The following DCHS2 variants were observed in gnomAD, a reference collection of about 807,000 sequenced individuals.
DCHS2 encodes the protein dachsous cadherin-related 2, also known as protocadherin-23.
In DCHS2, 142 loss-of-function variants were observed where a neutral mutation model predicts 182.4. The ratio of observed to expected loss-of-function variants is 0.78; its 90% CI spans 0.68 to 0.89. The LOEUF is 0.89. Among genes scored for constraint, DCHS2 ranks in the 40% least tolerant of loss-of-function variants. The probability of loss-of-function intolerance (pLI) is 0.00; values close to 1 mark genes in which losing one functional copy is unlikely to be tolerated. For synonymous variants in DCHS2, 1,740 were observed against 1,663.3 expected (o/e 1.05, Z -1.12); for missense variants, 4,319 against 4,198.6 (o/e 1.03, Z -0.79).
Position 154,482,257 on chromosome 4 carries a change from T to C in DCHS2, c.2052+7047A>G, listed in dbSNP as rs188462576. Among the ~76,000 whole-genome samples the C allele has an allele frequency of 4.6e-3, 699 of 152,346 alleles. 6 individuals are homozygous for C. Among genetic ancestry groups the C allele is most frequent in the African/African-American group, 0.016 (650 of 41,586 alleles). On this transcript the variant is annotated intron_variant, in intron 1 of 19. Transcript: ENST00000357232. ...TTCTCATATGAAACATATTAGTTAATGGCTTCCATCAATTACAGTGTATAA... is the reference window on the plus strand; with the variant it reads ...TTCTCATATGAAACATATTAGTTAACGGCTTCCATCAATTACAGTGTATAA...
At chr4:154,237,232 A>C in intron 19 of DCHS2, 73 bp from the exon 20 acceptor site, 3 of 1,489,844 alleles carry the variant, frequency 2.0e-6, no homozygotes, top group Non-Finnish European at 2.7e-6. Context: ...GCAGTTGACT[A>C]TCCAATGTCT....
chr4:154,397,365 A>G (rs1182863534), intron 1 of DCHS2, among the ~76,000 whole-genome samples: 1 of 152,198 alleles, frequency 6.6e-6, no homozygotes, highest in African/African-American at 2.4e-5. Flanking sequence ...AGTTTGAAGT[A>G]AGTTTAGTCT....
At chr4:154,443,357 A>G (rs928331398) in intron 1 of DCHS2, among the ~76,000 whole-genome samples, 2 of 152,216 alleles carry the variant, frequency 1.3e-5, no homozygotes, top group African/African-American at 4.8e-5. Flanking sequence ...CTGTGGTAAA[A>G]TAAATTTCTC....
At chr4:154,416,035 A>G (rs369068422) in intron 1 of DCHS2, among the ~76,000 whole-genome samples, 1 of 152,186 alleles carries the variant, frequency 6.6e-6, no homozygotes, top group African/African-American at 2.4e-5. Context: ...TAAGGAAATA[A>G]ACATATACTG....
Position 154,235,855 on chromosome 4 carries a change from C to T in DCHS2, c.8797G>A (p.Gly2933Arg), listed in dbSNP as rs753125225. 3.7e-6 allele frequency: 6 copies of T among 1,613,830 alleles called. No homozygotes were observed. The Admixed American group carries it at 1.0e-4, about 27-fold the overall frequency. Residue 2933 changes from glycine to arginine, a missense_variant, in exon 20 of 20, where the codon GGA becomes AGA. Gly to Arg is a moderately radical substitution (Grantham distance 125). Coordinates refer to ENST00000357232, the MANE Select transcript of DCHS2 (RefSeq NM_001358235.2). ...SPFFSVNKTN[G>R]NIYLIRALPL... ...AGGGCTCTAATCAAATAAATATTTC[C>T]ATTGGTTTTATTTACTGAAAAGAAA... is the stretch of plus-strand genomic sequence containing the variant.
chr4:154,399,404 T>A (rs1732065008), intron 1 of DCHS2, among the ~76,000 whole-genome samples: 1 of 151,882 alleles, frequency 6.6e-6, no homozygotes, highest in South Asian at 2.1e-4. Flanking sequence ...TTAAGTACTC[T>A]GCATTAAAAA....
intron 1 of DCHS2, among the ~76,000 whole-genome samples, chr4:154,441,998 T>G (rs1734038221): frequency 6.6e-6 from 1 of 152,166 alleles, no homozygotes; most frequent in Non-Finnish European, 1.5e-5. Flanking sequence ...AAATTTTGTT[T>G]ACCACTAAAC....
intron 1 of DCHS2, among the ~76,000 whole-genome samples, chr4:154,461,684 A>T (rs779332933): frequency 6.6e-6 from 1 of 152,216 alleles, no homozygotes; most frequent in Non-Finnish European, 1.5e-5. Context: ...ATAGGTTTAA[A>T]TCCATGTATT....
chr4:154,338,611 C>G (rs1323916797), intron 3 of DCHS2, among the ~76,000 whole-genome samples: 1 of 152,126 alleles, frequency 6.6e-6, no homozygotes, highest in Non-Finnish European at 1.5e-5. Context: ...GAAATCTACT[C>G]TATATTTGTG....
At chr4:154,353,637 C>T (rs1370573514) in intron 3 of DCHS2, among the ~76,000 whole-genome samples, 7 of 152,066 alleles carry the variant, frequency 4.6e-5, no homozygotes, top group Admixed American at 4.6e-4. Context: ...TTCTTTTTTG[C>T]CTTCCTTAAC....
At chr4:154,470,145 A>G (rs1165884102) in intron 1 of DCHS2, among the ~76,000 whole-genome samples, 3 of 152,306 alleles carry the variant, frequency 2.0e-5, no homozygotes, top group African/African-American at 7.2e-5. Context: ...GGAAAGATGC[A>G]GAGAGATAAG....
At chr4:154,256,940 A>G (rs72968850) in intron 15 of DCHS2, among the ~76,000 whole-genome samples, 4,083 of 152,226 alleles carry the variant, frequency 0.027, 162 homozygotes, top group African/African-American at 0.083. Context: ...AAGAAAAGAA[A>G]CCAGTCTGCA....
intron 13 of DCHS2, among the ~76,000 whole-genome samples, chr4:154,279,882 A>G (rs897169563): frequency 6.6e-6 from 1 of 152,014 alleles, no homozygotes; most frequent in African/African-American, 2.4e-5. Context: ...ATACTAAAGC[A>G]GAAATAAATG....
At chr4:154,451,224 C>G (rs921925650) in intron 1 of DCHS2, among the ~76,000 whole-genome samples, 2 of 152,162 alleles carry the variant, frequency 1.3e-5, no homozygotes, top group Non-Finnish European at 2.9e-5. Flanking sequence ...GCAGGCCCAG[C>G]TAGGTGAATC....
intron 3 of DCHS2, among the ~76,000 whole-genome samples, chr4:154,353,916 AC>A (rs776620646): frequency 2.5e-4 from 38 of 152,000 alleles, no homozygotes; most frequent in Non-Finnish European, 4.3e-4. Context: ...AAGTTTGAAG[AC>A]CTTTTTTTTA....
At chr4:154,308,481 G>T (rs1010470150) in intron 10 of DCHS2, among the ~76,000 whole-genome samples, 6 of 151,912 alleles carry the variant, frequency 3.9e-5, no homozygotes, top group Admixed American at 3.3e-4. Context: ...ATATCTATTT[G>T]GTTGGTTCAT....
At chr4:154,336,377 T>C (rs1482304404) in intron 3 of DCHS2, among the ~76,000 whole-genome samples, 2 of 152,248 alleles carry the variant, frequency 1.3e-5, no homozygotes, top group Admixed American at 1.3e-4. Context: ...CTGTTAGTTT[T>C]GTTTAATGAG....
chr4:154,446,813 G>T (rs539976626), intron 1 of DCHS2, among the ~76,000 whole-genome samples: 1 of 152,216 alleles, frequency 6.6e-6, no homozygotes, highest in South Asian at 2.1e-4. Flanking sequence ...GTTGCTCTTC[G>T]ACCTATTCAA....
intron 10 of DCHS2, among the ~76,000 whole-genome samples, chr4:154,306,633 A>G (rs1427701724): frequency 6.6e-6 from 1 of 152,108 alleles, no homozygotes; most frequent in Non-Finnish European, 1.5e-5. Flanking sequence ...TGTCTTCAAA[A>G]AGATTACATG....
Sources: allele counts gnomAD v4.1 joint callset (sites outside exome capture counted in the v4.1 genomes callset), GRCh38; gene constraint gnomAD v4.1.1; transcripts MANE v1.5; gene names NCBI Gene and HGNC (gene_info 2026-07-23, HGNC 2026-07-21).